EFCAB6: variants seen among roughly 807,000 people sequenced by gnomAD.
The protein encoded by EFCAB6 is EF-hand calcium binding domain 6.
In EFCAB6, 156 loss-of-function variants were observed where a neutral mutation model predicts 169.8. The ratio of observed to expected loss-of-function variants is 0.92; its 90% CI spans 0.81 to 1.05. The LOEUF is 1.05. EFCAB6 is among the 50% of genes least tolerant of loss of function. The pLI is 0.00. For missense variants in EFCAB6, 1,800 were observed against 1,829.1 expected, an observed-to-expected ratio of 0.98 and a Z score of 0.29; for synonymous variants, 698 against 676.4, an observed-to-expected ratio of 1.03 and a Z score of -0.50.
chr22:43,776,634 T>C (rs540625296), intron 3 of EFCAB6, among the ~76,000 whole-genome samples: 9 of 152,000 alleles, frequency 5.9e-5, no homozygotes, highest in Admixed American at 5.9e-4. Context: ...AGGGAAACCA[T>C]AGCAACCAGT....
rs1603087152 is a variant in EFCAB6 at position 43,667,223 on chromosome 22, C to T, written c.1864G>A (p.Glu622Lys). The T allele has an allele frequency of 6.2e-7, 1 of 1,614,134 alleles. No homozygotes were observed. The highest frequency in any genetic ancestry group is 8.5e-7 in the Non-Finnish European group (1 of 1,179,996). The change falls in exon 17 of 32, where the codon GAA becomes AAA. Residue 622 changes from glutamate to lysine, a missense_variant. Transcript: ENST00000262726. ...TTTTTGAATTTTTCAATCACTTCTT[C>T]TGTGGTCATCTTCTTGGTCAGGGTG... is the stretch of plus-strand genomic sequence containing the variant. ...KTTLTKKMTT[E>K]EVIEKFKKCI...
At chr22:43,591,698 T>A (rs1345257577) in intron 23 of EFCAB6, among the ~76,000 whole-genome samples, 1 of 152,148 alleles carries the variant, frequency 6.6e-6, no homozygotes, top group Non-Finnish European at 1.5e-5. Flanking sequence ...AGAGACAGCA[T>A]CTTTCTGTCG....
At chr22:43,570,112 C>T (rs2049751749) in intron 26 of EFCAB6, 1 of 152,170 alleles carries the variant, frequency 6.6e-6, no homozygotes. Flanking sequence ...AAACTACATT[C>T]TTCACTTCTC....
At chr22:43,666,696 T>TTG (rs2057270248) in intron 17 of EFCAB6, among the ~76,000 whole-genome samples, 1 of 112,718 alleles carries the variant, frequency 8.9e-6, no homozygotes, top group Non-Finnish European at 1.9e-5. Flanking sequence ...AGATTGTTTT[T>TTG]TTTTTTTTTT....
rs933970627 is a variant in EFCAB6 at position 43,530,880 on chromosome 22, G to A, written c.4318C>T (p.Arg1440Trp). 10 of 1,614,118 alleles carry A rather than the reference G, an allele frequency of 6.2e-6. No individual in the cohort carries two copies. Among genetic ancestry groups the A allele is most frequent in the Non-Finnish European group, 7.6e-6 (9 of 1,180,054 alleles). The change falls in exon 31 of 32, where the codon CGG becomes TGG. Residue 1440 changes from arginine to tryptophan, a missense_variant. Physicochemically the swap from Arg to Trp is moderately radical, Grantham distance 101. Coordinates refer to ENST00000262726, the MANE Select transcript of EFCAB6 (RefSeq NM_022785.4). ...TCATCATAGCTTTTGAACGTGCGCC[G>A]CATTGGCCTCCAGCAGTGCACAATT... ...PKIVHCWRPMRRTFKSYDEAG... is the reference protein window; with the variant it reads ...PKIVHCWRPMWRTFKSYDEAG...
At chr22:43,716,826 G>A in intron 9 of EFCAB6, 22 bp downstream of exon 9, 1 of 1,592,802 alleles carries the variant, frequency 6.3e-7, no homozygotes. Flanking sequence ...GTAGGTAATT[G>A]TGGCTTAGGA....
At chr22:43,790,436 T>C (rs368502779) in intron 2 of EFCAB6, among the ~76,000 whole-genome samples, 1 of 152,244 alleles carries the variant, frequency 6.6e-6, no homozygotes, top group Non-Finnish European at 1.5e-5. Flanking sequence ...GTGGATCTTA[T>C]ACTGTAGAAA....
chr22:43,638,652 C>T (rs1263158923), intron 17 of EFCAB6, among the ~76,000 whole-genome samples: 1 of 152,202 alleles, frequency 6.6e-6, no homozygotes, highest in Non-Finnish European at 1.5e-5. Context: ...TGTCTCTTTG[C>T]AGCACTTTTT....
At chr22:43,676,488 A>C (rs2057768573) in intron 13 of EFCAB6, among the ~76,000 whole-genome samples, 1 of 151,824 alleles carries the variant, frequency 6.6e-6, no homozygotes, top group Admixed American at 6.6e-5. Context: ...ACATACAAAG[A>C]GTGGAAGAAA....
intron 21 of EFCAB6, among the ~76,000 whole-genome samples, chr22:43,613,680 T>A (rs1366547982): frequency 6.6e-6 from 1 of 152,110 alleles, no homozygotes; most frequent in African/African-American, 2.4e-5. Flanking sequence ...AGTACCTGGG[T>A]GACGAAATAA....
At chr22:43,801,892 C>T (rs1049279467) in intron 2 of EFCAB6, among the ~76,000 whole-genome samples, 1 of 152,160 alleles carries the variant, frequency 6.6e-6, no homozygotes, top group Non-Finnish European at 1.5e-5. Flanking sequence ...TGTTCATTGA[C>T]TCGGTTCTCC....
chr22:43,776,688 A>G (rs915703893), intron 3 of EFCAB6, among the ~76,000 whole-genome samples: 2 of 152,180 alleles, frequency 1.3e-5, no homozygotes, highest in Admixed American at 1.3e-4. Context: ...TCCATGAAAG[A>G]AAAAGGCTGG....
intron 26 of EFCAB6, among the ~76,000 whole-genome samples, chr22:43,558,456 G>GT (rs2048836019): frequency 6.6e-6 from 1 of 151,888 alleles, no homozygotes; most frequent in African/African-American, 2.4e-5. Context: ...CAGATATTGT[G>GT]TTTTTTATAA....
At chr22:43,636,369 T>G (rs1342562997) in intron 17 of EFCAB6, among the ~76,000 whole-genome samples, 1 of 152,126 alleles carries the variant, frequency 6.6e-6, no homozygotes, top group Admixed American at 6.5e-5. Flanking sequence ...CGTGCTGCAG[T>G]GTCGCCCTCA....
intron 6 of EFCAB6, among the ~76,000 whole-genome samples, chr22:43,738,741 C>T (rs2060260710): frequency 6.6e-6 from 1 of 152,150 alleles, no homozygotes; most frequent in Admixed American, 6.5e-5. Flanking sequence ...TCCAATTTCT[C>T]CTTCCACCTC....
intron 15 of EFCAB6, 24 bp downstream of exon 15, chr22:43,671,949 T>C (rs766079019): frequency 6.2e-7 from 1 of 1,609,748 alleles, no homozygotes; most frequent in South Asian, 1.1e-5. Flanking sequence ...ACGACATGAA[T>C]TAATTTTGTT....
chr22:43,589,373 T>C (rs113912506), intron 24 of EFCAB6, among the ~76,000 whole-genome samples: 3,081 of 135,794 alleles, frequency 0.023, 109 homozygotes, highest in African/African-American at 0.076. Flanking sequence ...GGATTGGAAG[T>C]TGTTGACTTT....
intron 27 of EFCAB6, among the ~76,000 whole-genome samples, chr22:43,541,654 T>A (rs2047733921): frequency 6.6e-6 from 1 of 152,168 alleles, no homozygotes; most frequent in Non-Finnish European, 1.5e-5. Flanking sequence ...GTCTCAGACC[T>A]CACCGGCACC....
chr22:43,550,313 G>T (rs1164918086), intron 27 of EFCAB6, among the ~76,000 whole-genome samples: 2 of 152,186 alleles, frequency 1.3e-5, no homozygotes, highest in African/African-American at 4.8e-5. Context: ...TGCCTGAAGG[G>T]TTTTGTTTCC....
Sources: allele counts gnomAD v4.1 joint callset (sites outside exome capture counted in the v4.1 genomes callset), GRCh38; gene constraint gnomAD v4.1.1; transcripts MANE v1.5; gene names NCBI Gene and HGNC (gene_info 2026-07-23, HGNC 2026-07-21).